Variants in ATG4C observed in about 807,000 individuals in gnomAD.
ATG4C encodes the protein autophagy related 4C cysteine peptidase.
In ATG4C, 56 loss-of-function variants were observed where a neutral mutation model predicts 57.6. The ratio of observed to expected loss-of-function variants is 0.97; its 90% CI spans 0.78 to 1.21. The LOEUF is 1.21. ATG4C is among the 50% of genes most tolerant of loss of function. The pLI, the probability that ATG4C is intolerant of heterozygous loss-of-function variation, is 0.00. For synonymous variants in ATG4C, 157 were observed against 174.1 expected (o/e 0.90, Z 0.78); for missense variants, 595 against 529.8 (o/e 1.12, Z -1.21).
At chr1:62,863,445 T>G (rs1396725967) in intron 10 of ATG4C, among the ~76,000 whole-genome samples, 1 of 152,064 alleles carries the variant, frequency 6.6e-6, no homozygotes, top group African/African-American at 2.4e-5. Context: ...GCTCTGTTTT[T>G]GTACACTTGA....
At chr1:62,788,430 T>TACACAC (rs10671530) in intron 1 of ATG4C, among the ~76,000 whole-genome samples, 264 of 146,550 alleles carry the variant, frequency 1.8e-3, no homozygotes, top group African/African-American at 3.6e-3. Context: ...TCTCTATAAA[T>TACACAC]ACACACACAC....
intron 3 of ATG4C, among the ~76,000 whole-genome samples, chr1:62,805,961 G>C (rs901297914): frequency 6.6e-6 from 1 of 152,142 alleles, no homozygotes; most frequent in East Asian, 1.9e-4. Flanking sequence ...GAACGAGAGA[G>C]AGTGAATATG....
intron 9 of ATG4C, among the ~76,000 whole-genome samples, chr1:62,838,953 A>G (rs1666084876): frequency 6.6e-6 from 1 of 152,206 alleles, no homozygotes; most frequent in Non-Finnish European, 1.5e-5. Context: ...ATAACAATTT[A>G]GTGTTTGTTA....
In ATG4C at chr1:62,854,068, T is replaced by G. The variant is rs1666601471; in HGVS notation, c.1210-9924T>G. 2.0e-5 allele frequency among the ~76,000 whole-genome samples: 3 copies of G among 152,066 alleles called. No homozygotes were observed. In the South Asian group the frequency reaches 6.2e-4, roughly 32 times the overall value. On this transcript the variant is annotated intron_variant, in intron 10 of 10. Coordinates refer to ENST00000317868, the MANE Select transcript of ATG4C (RefSeq NM_032852.4). ...ATTAGGATGCTTACATTTTTAGTTG[T>G]TATTGATATTTTTTCTATTCCTTTT...
At chr1:62,838,740 A>G (rs1666076232) in intron 9 of ATG4C, among the ~76,000 whole-genome samples, 1 of 151,766 alleles carries the variant, frequency 6.6e-6, no homozygotes, top group African/African-American at 2.4e-5. Context: ...AGATCGCACC[A>G]CTGCACTCCA....
At chr1:62,831,979 C>T (rs758271100) in intron 7 of ATG4C, among the ~76,000 whole-genome samples, 9 of 152,102 alleles carry the variant, frequency 5.9e-5, no homozygotes, top group Non-Finnish European at 1.2e-4. Context: ...CTTTCACTGC[C>T]TCACAGGTCT....
At chr1:62,839,523 C>A (rs914705482) in intron 9 of ATG4C, among the ~76,000 whole-genome samples, 1 of 152,142 alleles carries the variant, frequency 6.6e-6, no homozygotes, top group Admixed American at 6.6e-5. Flanking sequence ...ATGAGCTGGG[C>A]AAATGGTTAT....
intron 6 of ATG4C, among the ~76,000 whole-genome samples, chr1:62,828,114 G>T (rs1665725665): frequency 6.6e-6 from 1 of 152,108 alleles, no homozygotes; most frequent in African/African-American, 2.4e-5. Context: ...GTGAACATTC[G>T]TGTGCATGTG....
intron 10 of ATG4C, among the ~76,000 whole-genome samples, chr1:62,857,381 G>A (rs907534927): frequency 1.3e-5 from 2 of 152,194 alleles, no homozygotes; most frequent in African/African-American, 4.8e-5. Context: ...AAGGCTTGAT[G>A]ATCTGTCACT....
intron 1 of ATG4C, among the ~76,000 whole-genome samples, chr1:62,791,171 GGTTA>G (rs908997994): frequency 4.6e-5 from 7 of 152,048 alleles, no homozygotes; most frequent in Admixed American, 1.3e-4. Flanking sequence ...TCAGCCTTAT[GGTTA>G]GTTATAACCA....
chr1:62,802,378 C>T (rs1664709321), intron 1 of ATG4C, among the ~76,000 whole-genome samples: 1 of 151,644 alleles, frequency 6.6e-6, no homozygotes, highest in African/African-American at 2.4e-5. Context: ...CAACATGATG[C>T]TCAAAGGAAA....
intron 9 of ATG4C, among the ~76,000 whole-genome samples, chr1:62,840,754 T>C (rs1458349445): frequency 6.6e-6 from 1 of 152,186 alleles, no homozygotes; most frequent in Non-Finnish European, 1.5e-5. Context: ...TCTGTGGCAC[T>C]GTGTCTATTG....
rs766511615 is a variant in ATG4C at position 62,803,859 on chromosome 1, T to G, written c.73T>G (p.Tyr25Asp). 2.3e-5 allele frequency: 36 copies of G among 1,543,170 alleles called. 1 individual carries two copies. In the Admixed American group the frequency reaches 4.9e-4, roughly 21 times the overall value. Residue 25 changes from tyrosine (Y) to aspartate (D), a missense_variant, in exon 2 of 11, where the codon TAT (tyrosine) becomes GAT (aspartate). Tyr to Asp is a radical substitution (Grantham distance 160). Transcript: ENST00000317868. ...KFISAWNNMKYSWVLKTKTYF... is the reference protein window; with the variant it reads ...KFISAWNNMKDSWVLKTKTYF... ...TATATCTGCTTGGAACAACATGAAA[T>G]ATAGTAAGTATCATGTTTTAAAAAT... is the stretch of plus-strand genomic sequence containing the variant.
At chr1:62,816,910 G>A in intron 4 of ATG4C, 102 bp downstream of exon 4, 1 of 941,192 alleles carries the variant, frequency 1.1e-6, no homozygotes, top group Non-Finnish European at 1.5e-6. Context: ...ATTCCCTGAG[G>A]TTAATTTCTT....
intron 1 of ATG4C, among the ~76,000 whole-genome samples, chr1:62,794,502 C>T (rs1390019235): frequency 6.6e-6 from 1 of 152,044 alleles, no homozygotes; most frequent in East Asian, 1.9e-4. Context: ...TTATTAGTCT[C>T]TCTGCTATCA....
intron 10 of ATG4C, among the ~76,000 whole-genome samples, chr1:62,861,608 C>G (rs1191274960): frequency 7.3e-6 from 1 of 136,458 alleles, no homozygotes; most frequent in African/African-American, 2.6e-5. Context: ...CACACACACA[C>G]ACACACACAC....
intron 6 of ATG4C, among the ~76,000 whole-genome samples, chr1:62,826,599 CTT>C: frequency 6.8e-6 from 1 of 147,418 alleles, no homozygotes; most frequent in South Asian, 2.2e-4. Context: ...TTTTTTCTTT[CTT>C]TTTTTTTTTA....
chr1:62,841,677 A>G, intron 10 of ATG4C, 130 bp downstream of exon 10: 1 of 762,194 alleles, frequency 1.3e-6, no homozygotes, highest in East Asian at 3.1e-5. Context: ...TATTAGGAGT[A>G]TTGTGAATTG....
intron 3 of ATG4C, among the ~76,000 whole-genome samples, chr1:62,813,601 G>T (rs1401850859): frequency 6.6e-6 from 1 of 152,114 alleles, no homozygotes; most frequent in Non-Finnish European, 1.5e-5. Flanking sequence ...TGACAGATGG[G>T]ATCTAATTAA....
Sources: allele counts gnomAD v4.1 joint callset (sites outside exome capture counted in the v4.1 genomes callset), GRCh38; gene constraint gnomAD v4.1.1; transcripts MANE v1.5; gene names NCBI Gene and HGNC (gene_info 2026-07-23, HGNC 2026-07-21).